The following ASXL1 variants were observed in gnomAD, a reference collection of about 807,000 sequenced individuals.
ASXL1 encodes polycomb group protein ASXL1.
Under a neutral mutation model 89.1 loss-of-function variants are expected in ASXL1, and 65 were observed. The ratio of observed to expected loss-of-function variants is 0.73; its 90% CI spans 0.60 to 0.90. ASXL1 has a LOEUF of 0.90. ASXL1 is among the 40% of genes least tolerant of loss of function. ASXL1 has a pLI of 0.00. For missense variants in ASXL1, 1,786 were observed against 1,942.9 expected (o/e 0.92, Z 1.52); for synonymous variants, 739 against 746.9 (o/e 0.99, Z 0.17).
chr20:32,406,018 A>G lies in ASXL1; in HGVS notation c.253-22110A>G, dbSNP rs13044880. Among the ~76,000 whole-genome samples the G allele has an allele frequency of 2.0e-3, 306 of 152,228 alleles. 1 individual carries two copies. The highest frequency in any genetic ancestry group is 6.9e-3 in the African/African-American group (285 of 41,554). On this transcript the variant is annotated intron_variant, in intron 4 of 12. Coordinates refer to ENST00000375687, the MANE Select transcript of ASXL1 (RefSeq NM_015338.6). Reference sequence around the variant, plus strand: ...CAGTCATAGTTAGAAGCCAAGATCTAGTTTCTAAATGTTTGCTGCTGTTGG... The same window carrying G: ...CAGTCATAGTTAGAAGCCAAGATCTGGTTTCTAAATGTTTGCTGCTGTTGG...
intron 4 of ASXL1, among the ~76,000 whole-genome samples, chr20:32,403,852 G>GT (rs1214088418): frequency 6.6e-6 from 1 of 151,726 alleles, no homozygotes; most frequent in Non-Finnish European, 1.5e-5. Context: ...GATATAGTAT[G>GT]TTTTTTTACA....
Position 32,433,889 on chromosome 20 carries a change from A to G in ASXL1, c.1691A>G (p.Lys564Arg). ...CACACCGAAAAGCCACAGCCCACTA[A>G]AGAGGAGCCCAAAGTCCCGCCCATC... ...SVHTEKPQPT[K>R]EEPKVPPIRI... The change falls in exon 12 of 13, where the codon AAA (lysine) becomes AGA (arginine). Residue 564 changes from lysine (K) to arginine (R), a missense_variant. Lys to Arg is a conservative substitution (Grantham distance 26). This residue lies in a region of ASXL1 where 1,418 missense variants were observed against 1,427.8 expected (regional missense o/e 0.99). Coordinates refer to ENST00000375687, the MANE Select transcript of ASXL1 (RefSeq NM_015338.6). 1 of 1,613,502 alleles carries G rather than the reference A, an allele frequency of 6.2e-7. No individual in the cohort carries two copies. Among genetic ancestry groups the G allele is most frequent in the South Asian group, 1.1e-5 (1 of 91,072 alleles).
intron 4 of ASXL1, among the ~76,000 whole-genome samples, chr20:32,402,741 C>T (rs1361076421): frequency 6.6e-6 from 1 of 152,130 alleles, no homozygotes; most frequent in Non-Finnish European, 1.5e-5. Flanking sequence ...CCTTAGGTTC[C>T]ATTTGAATAT....
At chr20:32,420,040 C>CTT (rs35002363) in intron 4 of ASXL1, among the ~76,000 whole-genome samples, 15 of 144,636 alleles carry the variant, frequency 1.0e-4, no homozygotes, top group East Asian at 4.1e-4. Flanking sequence ...TTGATTTTTC[C>CTT]TTTTTTTTTT....
chr20:32,434,948 GC>G lies in ASXL1; in HGVS notation c.2238del (p.Ser747ProfsTer25). ...TVGLTDGLGDASQLPVAPTGD... is the reference protein window; with the variant it reads ...TVGLTDGLGDXSQLPVAPTGD... ...TGGACTCACAGATGGGCTAGGAGAT[GC>G]CTCCCAACTCCCCGTTGCTCCCACT... On this transcript the variant is annotated frameshift_variant, in exon 13 of 13. Transcript: ENST00000375687. LOFTEE classifies it low-confidence loss of function (END_TRUNC). 1.2e-6 allele frequency: 2 copies of G among 1,614,164 alleles called. No individual in the cohort carries two copies. The highest frequency in any genetic ancestry group is 1.7e-6 in the Non-Finnish European group (2 of 1,180,036).
At chr20:32,398,300 C>A (rs959021496) in intron 4 of ASXL1, among the ~76,000 whole-genome samples, 1 of 152,020 alleles carries the variant, frequency 6.6e-6, no homozygotes, top group African/African-American at 2.4e-5. Context: ...CGGCTCACTG[C>A]AACATCTGCC....
chr20:32,359,018 G>T, intron 1 of ASXL1, 186 bp downstream of exon 1: 3 of 669,958 alleles, frequency 4.5e-6, no homozygotes, highest in Non-Finnish European at 7.5e-6. Flanking sequence ...GATGGGATGT[G>T]GCGCCTTTTT....
At chr20:32,428,565 CAG>C (rs1491366293) in intron 6 of ASXL1, 143 bp downstream of exon 6, 3 of 726,148 alleles carry the variant, frequency 4.1e-6, no homozygotes, top group Non-Finnish European at 7.1e-6. Context: ...TAGCATTTAA[CAG>C]GGGGCCGCAG....
At chr20:32,391,625 G>A (rs2048672810) in intron 4 of ASXL1, among the ~76,000 whole-genome samples, 2 of 152,154 alleles carry the variant, frequency 1.3e-5, no homozygotes, top group African/African-American at 4.8e-5. Context: ...AGGTAGCTGA[G>A]AGTACAGGTG....
At chr20:32,408,452 C>T (rs2048992447) in intron 4 of ASXL1, among the ~76,000 whole-genome samples, 1 of 152,166 alleles carries the variant, frequency 6.6e-6, no homozygotes, top group African/African-American at 2.4e-5. Flanking sequence ...ATTTTACTCT[C>T]CTGATTTTAG....
intron 4 of ASXL1, among the ~76,000 whole-genome samples, chr20:32,425,108 G>A (rs1327471745): frequency 1.3e-5 from 2 of 152,214 alleles, no homozygotes; most frequent in African/African-American, 4.8e-5. Flanking sequence ...TTCACAAACG[G>A]AATCATCAAC....
At position 32,389,430 on chromosome 20, in the gene ASXL1, C is replaced by T. The variant is rs554579438; in HGVS notation, c.252+20307C>T. ...CATTTAGTGCTTGTGTATGTGTCTCCTGATGCATGTGTGCATTCACTTCTC... is the reference window on the plus strand; with the variant it reads ...CATTTAGTGCTTGTGTATGTGTCTCTTGATGCATGTGTGCATTCACTTCTC... On this transcript the variant is annotated intron_variant, in intron 4 of 12. Transcript: ENST00000375687. 5.3e-5 allele frequency among the ~76,000 whole-genome samples: 8 copies of T among 152,232 alleles called. No individual in the cohort carries two copies. The South Asian group carries it at 8.3e-4, about 16-fold the overall frequency.
intron 4 of ASXL1, among the ~76,000 whole-genome samples, chr20:32,394,852 T>C (rs1448957975): frequency 6.6e-6 from 1 of 152,006 alleles, no homozygotes; most frequent in African/African-American, 2.4e-5. Context: ...TAGCTGGGAT[T>C]ACAGGTGCGC....
At chr20:32,376,287 A>G (rs1052373908) in intron 4 of ASXL1, among the ~76,000 whole-genome samples, 1 of 150,098 alleles carries the variant, frequency 6.7e-6, no homozygotes, top group South Asian at 2.1e-4. Flanking sequence ...GTGTTGTGTT[A>G]TCTTTGAGAT....
chr20:32,373,176 A>G (rs2048327575), intron 4 of ASXL1, among the ~76,000 whole-genome samples: 1 of 150,696 alleles, frequency 6.6e-6, no homozygotes, highest in South Asian at 2.1e-4. Context: ...CAGGAGTTCA[A>G]GACCAGCCTG....
rs2012064446 is a variant in ASXL1 at position 32,438,755 on chromosome 20, G to C, written c.*1417G>C. ...TCACCACCTGTCACAGCAATACCTG[G>C]GACCATGCTCTCCTGGGACTGTGAG... On this transcript the variant is annotated 3_prime_UTR_variant, in exon 13 of 13. Coordinates refer to ENST00000375687, the MANE Select transcript of ASXL1 (RefSeq NM_015338.6). 4.3e-6 allele frequency: 1 copy of C among 233,504 alleles called. No homozygotes were observed. Among genetic ancestry groups the C allele is most frequent in the African/African-American group, 2.2e-5 (1 of 45,306 alleles). The allele number at this position is 233,504 out of a possible 1,614,324, so 14.5% of individuals were successfully genotyped here.
chr20:32,390,107 G>T (rs1228040674), intron 4 of ASXL1, among the ~76,000 whole-genome samples: 2 of 152,148 alleles, frequency 1.3e-5, no homozygotes, highest in Non-Finnish European at 2.9e-5. Flanking sequence ...TGACTAACCT[G>T]CTGTAAATCC....
At chr20:32,368,767 G>C (rs540561479) in intron 3 of ASXL1, among the ~76,000 whole-genome samples, 3 of 152,136 alleles carry the variant, frequency 2.0e-5, no homozygotes, top group Non-Finnish European at 2.9e-5. Flanking sequence ...TTGTCAAAAA[G>C]CACTGAAGAA....
intron 4 of ASXL1, among the ~76,000 whole-genome samples, chr20:32,423,994 T>A (rs1300072669): frequency 1.3e-5 from 2 of 152,228 alleles, no homozygotes; most frequent in Non-Finnish European, 2.9e-5. Flanking sequence ...CTTTAGAAAC[T>A]TCTGGGTAGT....
Sources: gnomAD v4.1 joint callset for allele counts (sites outside exome capture counted in the v4.1 genomes callset) on GRCh38, gnomAD v4.1.1 for gene constraint, gnomAD v4.1.1 regional missense constraint, MANE v1.5 for transcripts, NCBI Gene and HGNC (gene_info 2026-07-23, HGNC 2026-07-21) for gene names.